The following HS6ST2 variants were observed in gnomAD, a reference collection of about 807,000 sequenced individuals.
The protein encoded by HS6ST2 is heparan-sulfate 6-O-sulfotransferase 2.
A neutral mutation model predicts 33.0 loss-of-function variants in HS6ST2; 17 were observed. That is an observed-to-expected ratio of 0.52 (90% CI 0.35 to 0.77). The LOEUF (loss-of-function observed/expected upper bound fraction) is 0.77. HS6ST2 is among the 30% of genes least tolerant of loss of function. The pLI, the probability that HS6ST2 is intolerant of heterozygous loss-of-function variation, is 0.01. For missense variants in HS6ST2, 519 were observed against 551.7 expected (o/e 0.94, Z 0.59); for synonymous variants, 248 against 237.1 (o/e 1.05, Z -0.42).
chrX:132,767,127 C>A (rs1388738104), intron 2 of HS6ST2, among the ~76,000 whole-genome samples: 1 of 112,590 alleles, frequency 8.9e-6, no homozygotes, highest in African/African-American at 3.2e-5. Context: ...AAGAGAGGTT[C>A]AATGGAACTA....
chrX:132,905,600 C>T, intron 2 of HS6ST2, among the ~76,000 whole-genome samples: 1 of 111,830 alleles, frequency 8.9e-6, no homozygotes, highest in East Asian at 2.8e-4. Context: ...ACAACGCTAA[C>T]ACAAAGTCTT....
chrX:132,959,903 A>G (rs2067130592), upstream of HS6ST2, among the ~76,000 whole-genome samples: 1 of 112,121 alleles, frequency 8.9e-6, no homozygotes, highest in Admixed American at 9.4e-5. Flanking sequence ...TTCTCAGGCA[A>G]TTCTGTGGCT....
In HS6ST2 at chrX:132,714,170, TA is replaced by T. The variant is rs1246754754; in HGVS notation, c.948-5677del. Among the ~76,000 whole-genome samples the T allele has an allele frequency of 2.7e-5, 3 of 111,331 alleles. No individual in the cohort carries two copies. In the South Asian group the frequency reaches 1.2e-3, roughly 43 times the overall value. On this transcript the variant is annotated intron_variant, in intron 2 of 4. Coordinates refer to ENST00000370833, the MANE Select transcript of HS6ST2 (RefSeq NM_001394073.1). ...AACAGAAAGAGGCCTGGAATAGAAA[TA>T]AAAAACTGATACCCCAATGCCAGCT...
At chrX:132,930,070 C>G (rs1391901326) in intron 2 of HS6ST2, among the ~76,000 whole-genome samples, 1 of 111,866 alleles carries the variant, frequency 8.9e-6, no homozygotes, top group African/African-American at 3.2e-5. Flanking sequence ...GTGGGCAGAA[C>G]CAATAAAAGA....
At chrX:132,916,516 A>G (rs1283501147) in intron 2 of HS6ST2, among the ~76,000 whole-genome samples, 1 of 112,248 alleles carries the variant, frequency 8.9e-6, no homozygotes, top group Non-Finnish European at 1.9e-5. Flanking sequence ...ATAGGAGATT[A>G]ACATTTGAGT....
At chrX:132,839,501 C>G (rs906019346) in intron 2 of HS6ST2, among the ~76,000 whole-genome samples, 1 of 108,455 alleles carries the variant, frequency 9.2e-6, no homozygotes, top group East Asian at 3.0e-4. Context: ...AATGTGCACA[C>G]ATGCACATAG....
At chrX:132,767,538 C>T (rs931530429) in intron 2 of HS6ST2, among the ~76,000 whole-genome samples, 1 of 111,364 alleles carries the variant, frequency 9.0e-6, no homozygotes, top group Admixed American at 9.6e-5. Context: ...TTTTATTTTC[C>T]TTATATGATG....
chrX:132,888,345 G>A (rs749557120), intron 2 of HS6ST2, among the ~76,000 whole-genome samples: 4 of 111,082 alleles, frequency 3.6e-5, no homozygotes, highest in Non-Finnish European at 7.5e-5. Flanking sequence ...CTTGTGCAGG[G>A]GAACTCCCAT....
At chrX:132,911,638 C>CT (rs767104982) in intron 2 of HS6ST2, among the ~76,000 whole-genome samples, 4,260 of 91,926 alleles carry the variant, frequency 0.046, 291 homozygotes, top group African/African-American at 0.14. Flanking sequence ...AGCACACACT[C>CT]TTTTTTTTTT....
At chrX:132,690,258 A>G (rs1321631387) in intron 3 of HS6ST2, among the ~76,000 whole-genome samples, 3 of 112,481 alleles carry the variant, frequency 2.7e-5, no homozygotes, top group African/African-American at 9.7e-5. Context: ...CCAAAAACAA[A>G]CAAACAAACA....
At chrX:132,794,555 G>GGATGAT (rs111313658) in intron 2 of HS6ST2, among the ~76,000 whole-genome samples, 271 of 92,240 alleles carry the variant, frequency 2.9e-3, no homozygotes, top group Middle Eastern at 0.022. Context: ...CACCACTCCT[G>GGATGAT]GATGATGATG....
At chrX:132,656,882 A>G (rs1167492275) in intron 4 of HS6ST2, among the ~76,000 whole-genome samples, 1 of 111,775 alleles carries the variant, frequency 8.9e-6, no homozygotes, top group Non-Finnish European at 1.9e-5. Context: ...TCAGAACCCA[A>G]GGGCTGTACA....
At chrX:132,937,948 G>C (rs749341551) in intron 2 of HS6ST2, among the ~76,000 whole-genome samples, 22 of 109,349 alleles carry the variant, frequency 2.0e-4, no homozygotes, top group Admixed American at 3.9e-4. Flanking sequence ...GACCTCCTGA[G>C]CGCAGGAGTT....
chrX:132,639,899 G>A (rs1280015530), intron 4 of HS6ST2, among the ~76,000 whole-genome samples: 1 of 111,944 alleles, frequency 8.9e-6, no homozygotes, highest in Admixed American at 9.5e-5. Flanking sequence ...CTTTGGTCCT[G>A]CCTTTTGATT....
intron 2 of HS6ST2, among the ~76,000 whole-genome samples, chrX:132,913,241 C>T (rs2066551278): frequency 8.9e-6 from 1 of 111,822 alleles, no homozygotes; most frequent in Non-Finnish European, 1.9e-5. Context: ...AAACTGTAGC[C>T]CTCTGCCCTC....
intron 2 of HS6ST2, among the ~76,000 whole-genome samples, chrX:132,880,277 C>T (rs1288714599): frequency 1.8e-5 from 2 of 111,274 alleles, no homozygotes; most frequent in Non-Finnish European, 3.8e-5. Context: ...GGCTCATGCC[C>T]GTAATCCTAG....
chrX:132,899,377 A>G (rs1248386562), intron 2 of HS6ST2, among the ~76,000 whole-genome samples: 1 of 111,675 alleles, frequency 9.0e-6, no homozygotes, highest in African/African-American at 3.3e-5. Context: ...GTCATTATAT[A>G]TATGCTCCCA....
chrX:132,862,182 A>G (rs771446491), intron 2 of HS6ST2, among the ~76,000 whole-genome samples: 1 of 112,253 alleles, frequency 8.9e-6, no homozygotes, highest in African/African-American at 3.2e-5. Flanking sequence ...ATATAAATAT[A>G]ACACAAGAAC....
chrX:132,909,713 T>C (rs928864630), intron 2 of HS6ST2, among the ~76,000 whole-genome samples: 2 of 111,265 alleles, frequency 1.8e-5, no homozygotes, highest in East Asian at 2.8e-4. Context: ...ATTTACAGTA[T>C]CTTATATTTT....
Sources: allele counts gnomAD v4.1 joint callset (sites outside exome capture counted in the v4.1 genomes callset), GRCh38; gene constraint gnomAD v4.1.1; transcripts MANE v1.5; gene names NCBI Gene and HGNC (gene_info 2026-07-23, HGNC 2026-07-21).